TMEM132D: variants seen among roughly 807,000 people sequenced by gnomAD.
The protein encoded by TMEM132D is transmembrane protein 132D.
In TMEM132D, 21 loss-of-function variants were observed where a neutral mutation model predicts 62.3. The observed-to-expected ratio is 0.34, with a 90% CI of 0.24 to 0.49. TMEM132D has a LOEUF of 0.49. Ranked by LOEUF, TMEM132D falls within the 20% of genes least tolerant of loss-of-function variation. TMEM132D has a pLI of 0.99. For missense variants in TMEM132D, 1,346 were observed against 1,402.8 expected (o/e 0.96, Z 0.65); for synonymous variants, 621 against 575.6 (o/e 1.08, Z -1.13).
chr12:129,125,506 T>A (rs1357032448), intron 5 of TMEM132D, among the ~76,000 whole-genome samples: 2 of 149,948 alleles, frequency 1.3e-5, no homozygotes, highest in African/African-American at 4.9e-5. Context: ...ATGAGTTTTT[T>A]TTTTTTTTTT....
chr12:129,680,184 T>C (rs142528007), intron 2 of TMEM132D, among the ~76,000 whole-genome samples: 1 of 152,218 alleles, frequency 6.6e-6, no homozygotes, highest in Non-Finnish European at 1.5e-5. Context: ...AAAAGGTTAG[T>C]ATTATATTTC....
chr12:129,387,157 A>C (rs1871128504), intron 3 of TMEM132D, among the ~76,000 whole-genome samples: 1 of 152,088 alleles, frequency 6.6e-6, no homozygotes, highest in South Asian at 2.1e-4. Context: ...CACCAACACC[A>C]GTGGTATGTG....
At chr12:129,273,344 C>T (rs1334454318) in intron 4 of TMEM132D, among the ~76,000 whole-genome samples, 2 of 147,912 alleles carry the variant, frequency 1.4e-5, no homozygotes, top group Non-Finnish European at 3.0e-5. Flanking sequence ...GAAGATTTCT[C>T]AAAGAACTTA....
rs576391154 is a variant in TMEM132D, at chr12:129,776,893, C to T, written c.80-76195G>A. ...TGTTCCTTCTTTAGCTGTTTTTAAT[C>T]GATATCTACACCTTTGGGTAGGAAA... On this transcript the variant is annotated intron_variant, in intron 1 of 8. Transcript: ENST00000422113. 6.8e-5 allele frequency among the ~76,000 whole-genome samples: 10 copies of T among 147,194 alleles called. No individual in the cohort carries two copies. In the East Asian group the frequency reaches 1.4e-3, roughly 21 times the overall value.
chr12:129,404,108 G>A (rs552088646), intron 3 of TMEM132D, among the ~76,000 whole-genome samples: 9 of 152,200 alleles, frequency 5.9e-5, no homozygotes, highest in Non-Finnish European at 1.0e-4. Flanking sequence ...GCAGTTGGAG[G>A]TTTTTCTTTC....
chr12:129,894,243 C>G (rs1224545426), intron 1 of TMEM132D, among the ~76,000 whole-genome samples: 1 of 152,212 alleles, frequency 6.6e-6, no homozygotes, highest in East Asian at 1.9e-4. Flanking sequence ...GGACAACTCC[C>G]ATTTATAAAA....
chr12:129,702,674 T>C lies in TMEM132D; in HGVS notation c.80-1976A>G, dbSNP rs149380464. Among the ~76,000 whole-genome samples, 3 of 152,344 alleles carry C rather than the reference T, an allele frequency of 2.0e-5. No individual in the cohort carries two copies. In the East Asian group the frequency reaches 5.8e-4, roughly 29 times the overall value. On this transcript the variant is annotated intron_variant, in intron 1 of 8. Coordinates refer to ENST00000422113, the MANE Select transcript of TMEM132D (RefSeq NM_133448.3). ...CAAAACACGTTATGCTTTGCTGTGA[T>C]TCTCTATGCACTCCAGTGTGTGATA...
chr12:129,647,242 T>TG (rs1402255566), intron 2 of TMEM132D, among the ~76,000 whole-genome samples: 2 of 107,000 alleles, frequency 1.9e-5, no homozygotes, highest in African/African-American at 7.5e-5. Flanking sequence ...TTTGTTTTTC[T>TG]GTTTTTTTTT....
chr12:129,841,703 T>C (rs2137344671), intron 1 of TMEM132D, among the ~76,000 whole-genome samples: 1 of 152,334 alleles, frequency 6.6e-6, no homozygotes, highest in African/African-American at 2.4e-5. Context: ...GTTGTGAAGG[T>C]GAATGCGTCA....
chr12:129,234,350 G>C (rs150851308), intron 4 of TMEM132D, among the ~76,000 whole-genome samples: 1 of 152,254 alleles, frequency 6.6e-6, no homozygotes, highest in Middle Eastern at 3.4e-3. Flanking sequence ...TCTTAGAATT[G>C]ACGTGCAAGT....
chr12:129,414,401 T>C (rs114441397), intron 3 of TMEM132D, among the ~76,000 whole-genome samples: 228 of 152,320 alleles, frequency 1.5e-3, no homozygotes, highest in African/African-American at 5.3e-3. Flanking sequence ...ACTCCTTCCT[T>C]TGCAACTAGA....
chr12:129,164,149 A>G (rs906712512), intron 5 of TMEM132D, among the ~76,000 whole-genome samples: 1 of 152,176 alleles, frequency 6.6e-6, no homozygotes, highest in Non-Finnish European at 1.5e-5. Context: ...GAAAAAAACC[A>G]CAACACAGCC....
chr12:129,769,620 C>T (rs999698818), intron 1 of TMEM132D, among the ~76,000 whole-genome samples: 27 of 152,088 alleles, frequency 1.8e-4, no homozygotes, highest in African/African-American at 4.6e-4. Context: ...GTTGAAGAGA[C>T]GGATAAAAGC....
At position 129,513,844 on chromosome 12, in the gene TMEM132D, A is replaced by T. The variant is rs894611975; in HGVS notation, c.1115+17215T>A. On this transcript the variant is annotated intron_variant, in intron 3 of 8. Coordinates refer to ENST00000422113, the MANE Select transcript of TMEM132D (RefSeq NM_133448.3). ...TATTTATTTATTTATTTATTTATTT[A>T]TTTATTTTTTTGAGACGGAGTCTCG... Among the ~76,000 whole-genome samples the T allele has an allele frequency of 1.5e-4, 17 of 117,194 alleles. No homozygotes were observed. The East Asian group carries it at 2.3e-3, about 16-fold the overall frequency. The allele number at this position is 117,194 out of a possible 152,430, so 76.9% of individuals were successfully genotyped here.
At chr12:129,464,351 A>C (rs1383501004) in intron 3 of TMEM132D, among the ~76,000 whole-genome samples, 2 of 152,032 alleles carry the variant, frequency 1.3e-5, no homozygotes, top group Non-Finnish European at 2.9e-5. Flanking sequence ...ATTTAAGTTC[A>C]TTGTAGATTC....
At chr12:129,141,952 T>C (rs1876752526) in intron 5 of TMEM132D, among the ~76,000 whole-genome samples, 1 of 149,082 alleles carries the variant, frequency 6.7e-6, no homozygotes, top group African/African-American at 2.4e-5. Flanking sequence ...ACCCCAAAAC[T>C]CTAATACTTT....
At chr12:129,477,844 A>G (rs987637410) in intron 3 of TMEM132D, among the ~76,000 whole-genome samples, 4 of 152,018 alleles carry the variant, frequency 2.6e-5, no homozygotes, top group Admixed American at 1.3e-4. Context: ...AATAAAATAG[A>G]CACATACACA....
At chr12:129,160,316 T>C (rs1192701906) in intron 5 of TMEM132D, among the ~76,000 whole-genome samples, 1 of 152,258 alleles carries the variant, frequency 6.6e-6, no homozygotes, top group African/African-American at 2.4e-5. Flanking sequence ...GGAAGTGGCA[T>C]GTGGCCCAGG....
chr12:129,459,116 C>G (rs1873575076), intron 3 of TMEM132D, among the ~76,000 whole-genome samples: 1 of 152,134 alleles, frequency 6.6e-6, no homozygotes, highest in Admixed American at 6.6e-5. Context: ...GTCTCTGTGA[C>G]TTTCCCTTCA....
Sources: gnomAD v4.1 joint callset for allele counts (sites outside exome capture counted in the v4.1 genomes callset) on GRCh38, gnomAD v4.1.1 for gene constraint, MANE v1.5 for transcripts, NCBI Gene and HGNC (gene_info 2026-07-23, HGNC 2026-07-21) for gene names.